Variants in NFKB1 observed in about 807,000 individuals in gnomAD.
NFKB1 encodes nuclear factor NF-kappa-B p105 subunit.
A neutral mutation model predicts 105.1 loss-of-function variants in NFKB1; 9 were observed. That is an observed-to-expected ratio of 0.09 (90% CI 0.05 to 0.15). The LOEUF (loss-of-function observed/expected upper bound fraction) is 0.15. NFKB1 is among the 10% of genes least tolerant of loss of function. The pLI is 1.00. For missense variants in NFKB1, 830 were observed against 1,203.7 expected (o/e 0.69, Z 4.59); for synonymous variants, 440 against 442.2 (o/e 1.00, Z 0.06).
At chr4:102,607,816 A>T (rs572425759) in intron 19 of NFKB1, 65 bp downstream of exon 19, 45 of 1,394,580 alleles carry the variant, frequency 3.2e-5, no homozygotes, top group Non-Finnish European at 4.2e-5. Flanking sequence ...CAACTTCAAT[A>T]GAGCAGTCAT....
intron 1 of NFKB1, among the ~76,000 whole-genome samples, 191 bp from the exon 2 acceptor site, chr4:102,525,321 A>G (rs978996022): frequency 6.6e-6 from 1 of 152,176 alleles, no homozygotes; most frequent in African/African-American, 2.4e-5. Flanking sequence ...TAGATTATGC[A>G]ATCTCCTTGC....
intron 1 of NFKB1, among the ~76,000 whole-genome samples, chr4:102,519,524 A>G (rs903556623): frequency 2.0e-5 from 3 of 151,840 alleles, no homozygotes; most frequent in African/African-American, 7.3e-5. Context: ...CTATCACTTG[A>G]GTTAACATTG....
chr4:102,527,612 C>G (rs1183226177), intron 2 of NFKB1, among the ~76,000 whole-genome samples: 1 of 152,166 alleles, frequency 6.6e-6, no homozygotes, highest in Non-Finnish European at 1.5e-5. Flanking sequence ...TTGCTTTTCA[C>G]ATTAAGATGC....
intron 16 of NFKB1, among the ~76,000 whole-genome samples, chr4:102,604,504 T>C (rs1485006202): frequency 6.6e-6 from 1 of 151,126 alleles, no homozygotes; most frequent in Non-Finnish European, 1.5e-5. Context: ...CACACTTGTG[T>C]GTATCTGTAT....
At chr4:102,546,808 G>A (rs1722172568) in intron 5 of NFKB1, among the ~76,000 whole-genome samples, 1 of 152,196 alleles carries the variant, frequency 6.6e-6, no homozygotes, top group South Asian at 2.1e-4. Context: ...CTCAGGCAGA[G>A]AGGTGATGAG....
chr4:102,571,461 A>G (rs975393744), intron 6 of NFKB1, among the ~76,000 whole-genome samples: 9 of 152,250 alleles, frequency 5.9e-5, no homozygotes, highest in Non-Finnish European at 1.2e-4. Flanking sequence ...AGCAATGGCA[A>G]CCAAAGCCAA....
chr4:102,584,899 T>G, intron 11 of NFKB1, 79 bp downstream of exon 11: 1 of 1,366,574 alleles, frequency 7.3e-7, no homozygotes. Flanking sequence ...TGTTTTGTTT[T>G]GAGACAGAGT....
At chr4:102,543,673 G>C (rs757640643) in intron 5 of NFKB1, among the ~76,000 whole-genome samples, 1 of 150,898 alleles carries the variant, frequency 6.6e-6, no homozygotes, top group Non-Finnish European at 1.5e-5. Flanking sequence ...AGTTTCTGTC[G>C]AGGTCGAATA....
At chr4:102,522,685 A>G (rs230536) in intron 1 of NFKB1, among the ~76,000 whole-genome samples, 151,820 of 152,314 alleles carry the variant, frequency 1, 75,690 homozygotes, top group Middle Eastern at 1. Flanking sequence ...TAATTAACAC[A>G]TCAACAGCCT....
At chr4:102,591,408 A>G (rs1270878324) in intron 11 of NFKB1, among the ~76,000 whole-genome samples, 1 of 132,394 alleles carries the variant, frequency 7.6e-6, no homozygotes. Flanking sequence ...CAACAGAGTG[A>G]GACCCTGGCT....
At chr4:102,584,448 C>T (rs184470355) in intron 10 of NFKB1, among the ~76,000 whole-genome samples, 19 of 152,272 alleles carry the variant, frequency 1.2e-4, no homozygotes, top group African/African-American at 2.9e-4. Context: ...AATAAAGCTT[C>T]GTAGTACATT....
intron 20 of NFKB1, 84 bp downstream of exon 20, chr4:102,610,783 C>T (rs767718357): frequency 3.2e-5 from 48 of 1,486,494 alleles, no homozygotes; most frequent in Non-Finnish European, 4.0e-5. Flanking sequence ...CTTCCTGGTG[C>T]TTTATTCCCC....
chr4:102,582,311 A>G (rs1560693899), intron 9 of NFKB1, among the ~76,000 whole-genome samples: 2 of 152,184 alleles, frequency 1.3e-5, no homozygotes, highest in African/African-American at 4.8e-5. Context: ...CTAGCTGTTC[A>G]GCCTTGGATA....
chr4:102,590,153 G>A (rs1380678087), intron 11 of NFKB1, among the ~76,000 whole-genome samples: 1 of 152,096 alleles, frequency 6.6e-6, no homozygotes, highest in Non-Finnish European at 1.5e-5. Context: ...ACTAAGGAAT[G>A]GGCCTCCATC....
intron 5 of NFKB1, among the ~76,000 whole-genome samples, chr4:102,564,312 G>A (rs141745243): frequency 3.9e-4 from 59 of 152,332 alleles, no homozygotes; most frequent in African/African-American, 1.3e-3. Flanking sequence ...ACAGTTCTCC[G>A]TCATCATGAC....
intron 13 of NFKB1, among the ~76,000 whole-genome samples, chr4:102,595,444 A>C (rs1323519413): frequency 6.6e-6 from 1 of 152,232 alleles, no homozygotes; most frequent in African/African-American, 2.4e-5. Flanking sequence ...CCATGGAAGA[A>C]ATAATACTAT....
At chr4:102,531,265 G>A (rs539879973) in intron 3 of NFKB1, among the ~76,000 whole-genome samples, 1 of 152,248 alleles carries the variant, frequency 6.6e-6, no homozygotes. Context: ...ACAGCTTTAT[G>A]TTGTAGAAAT....
chr4:102,526,938 GTGTA>G (rs1241752639), intron 2 of NFKB1, among the ~76,000 whole-genome samples: 2 of 152,018 alleles, frequency 1.3e-5, no homozygotes, highest in East Asian at 3.9e-4. Flanking sequence ...GTGTGTGTGT[GTGTA>G]TATATGTATA....
chr4:102,533,281 C>T (rs1000432686), intron 3 of NFKB1, among the ~76,000 whole-genome samples: 1 of 152,042 alleles, frequency 6.6e-6, no homozygotes, highest in African/African-American at 2.4e-5. Context: ...ACTTTCCCTT[C>T]AAGTAAAGAC....
Sources: gnomAD v4.1 joint callset for allele counts (sites outside exome capture counted in the v4.1 genomes callset) on GRCh38, gnomAD v4.1.1 for gene constraint, MANE v1.5 for transcripts, NCBI Gene and HGNC (gene_info 2026-07-23, HGNC 2026-07-21) for gene names.